MTRES1: variants seen among roughly 807,000 people sequenced by gnomAD.
MTRES1 encodes uncharacterized protein C6orf203.
A neutral mutation model predicts 17.4 loss-of-function variants in MTRES1; 11 were observed. The ratio of observed to expected loss-of-function variants is 0.63; its 90% confidence interval spans 0.40 to 1.05. The LOEUF (loss-of-function observed/expected upper bound fraction) is 1.05, where lower values mean the gene tolerates loss of function less well. MTRES1 is among the 50% of genes least tolerant of loss of function. The probability of loss-of-function intolerance (pLI) is 0.00; values close to 1 mark genes in which losing one functional copy is unlikely to be tolerated. For synonymous variants in MTRES1, 94 were observed against 99.6 expected (o/e 0.94, Z 0.34); for missense variants, 268 against 276.2 (o/e 0.97, Z 0.21).
rs115197178 is a variant in MTRES1 at position 107,041,485 on chromosome 6, T to G, written c.470+1255T>G. ...GCTATTTTGAAGAAAATACTACATATGTTCATATATAATAGAGGTATTTCT... is the reference window on the plus strand; with the variant it reads ...GCTATTTTGAAGAAAATACTACATAGGTTCATATATAATAGAGGTATTTCT... On this transcript the variant is annotated intron_variant, in intron 2 of 3. Coordinates refer to ENST00000311381, the MANE Select transcript of MTRES1 (RefSeq NM_016487.5). Among the ~76,000 whole-genome samples the G allele has an allele frequency of 4.4e-3, 665 of 152,262 alleles. 1 individual carries two copies. The highest frequency in any genetic ancestry group is 0.015 in the African/African-American group (636 of 41,548).
intron 1 of MTRES1, chr6:107,028,881 C>T (rs1773726841): frequency 1.0e-6 from 1 of 985,202 alleles, no homozygotes; most frequent in Non-Finnish European, 1.2e-6. Context: ...TCCACTCATC[C>T]CACACCAACG....
intron 1 of MTRES1, among the ~76,000 whole-genome samples, chr6:107,034,292 G>C (rs1554226721): frequency 6.6e-6 from 1 of 152,078 alleles, no homozygotes; most frequent in African/African-American, 2.4e-5. Context: ...TTATGGATGG[G>C]GAGTGTGGGC....
chr6:107,036,241 A>G (rs1277457188), intron 1 of MTRES1, among the ~76,000 whole-genome samples: 4 of 152,126 alleles, frequency 2.6e-5, no homozygotes, highest in East Asian at 1.9e-4. Context: ...AAATTTATTC[A>G]TCTTAAAGAA....
chr6:107,030,255 TC>T, intron 1 of MTRES1: 6 of 674,998 alleles, frequency 8.9e-6, no homozygotes, highest in South Asian at 1.6e-5. Context: ...ACTTTGCTGT[TC>T]TCTGAGTGCT....
At chr6:107,029,231 A>C (rs1379636197) in intron 1 of MTRES1, among the ~76,000 whole-genome samples, 1 of 145,466 alleles carries the variant, frequency 6.9e-6, no homozygotes, top group Non-Finnish European at 1.5e-5. Flanking sequence ...TCTGTCGCCC[A>C]GGCTGGAGTG....
intron 1 of MTRES1, chr6:107,030,238 C>A: frequency 1.4e-6 from 1 of 696,774 alleles, no homozygotes; most frequent in South Asian, 1.6e-5. Flanking sequence ...TTTAGACCAT[C>A]GTAGAGACTT....
intron 1 of MTRES1, among the ~76,000 whole-genome samples, chr6:107,035,494 G>A (rs550340085): frequency 1.4e-4 from 22 of 152,200 alleles, no homozygotes; most frequent in African/African-American, 5.1e-4. Flanking sequence ...AGAGAGCTCT[G>A]GCCACCTATG....
At chr6:107,031,306 G>C in intron 1 of MTRES1, among the ~76,000 whole-genome samples, 1 of 151,360 alleles carries the variant, frequency 6.6e-6, no homozygotes, top group African/African-American at 2.4e-5. Flanking sequence ...GGCTTGAACT[G>C]GGGAGGCAGA....
intron 1 of MTRES1, chr6:107,030,131 A>T: frequency 1.4e-6 from 1 of 718,490 alleles, no homozygotes; most frequent in South Asian, 1.5e-5. Context: ...TAAGGGGAGG[A>T]TGCCAGTGTT....
At chr6:107,029,302 C>T (rs1270367690) in intron 1 of MTRES1, among the ~76,000 whole-genome samples, 1 of 152,164 alleles carries the variant, frequency 6.6e-6, no homozygotes, top group Non-Finnish European at 1.5e-5. Flanking sequence ...ATTCTCCCGC[C>T]TCAGCCTCCC....
chr6:107,049,056 T>A (rs1319110592), intron 3 of MTRES1, among the ~76,000 whole-genome samples: 1 of 152,132 alleles, frequency 6.6e-6, no homozygotes, highest in African/African-American at 2.4e-5. Flanking sequence ...CGCATGCCCA[T>A]GTTGTGGACT....
Position 107,039,934 on chromosome 6 carries a change from T to G in MTRES1, c.174T>G (p.Leu58=), listed in dbSNP as rs1460838454. 1.2e-6 allele frequency: 2 copies of G among 1,612,874 alleles called. No individual in the cohort carries two copies. The highest frequency in any genetic ancestry group is 3.3e-5 in the Admixed American group (2 of 59,988). Residue 58 remains leucine, a synonymous_variant, in exon 2 of 4, where the codon CTT becomes CTG. Transcript: ENST00000311381. ...TKLRAPNYKT[L]FYNIFSLRLP... ...TACGTGCACCAAATTATAAAACACTTTTTTATAATATTTTCTCACTGAGAC... is the reference window on the plus strand; with the variant it reads ...TACGTGCACCAAATTATAAAACACTGTTTTATAATATTTTCTCACTGAGAC...
chr6:107,050,568 T>TTTTTTC (rs1774561840), intron 3 of MTRES1, among the ~76,000 whole-genome samples: 1 of 148,356 alleles, frequency 6.7e-6, no homozygotes, highest in Non-Finnish European at 1.5e-5. Context: ...TTTTTTTTTT[T>TTTTTTC]TTTTTTTTCG....
intron 2 of MTRES1, among the ~76,000 whole-genome samples, chr6:107,043,555 T>G (rs139962017): frequency 6.6e-6 from 1 of 151,408 alleles, no homozygotes; most frequent in African/African-American, 2.4e-5. Context: ...ACAGTTACAA[T>G]AAAGTAAGCT....
intron 1 of MTRES1, among the ~76,000 whole-genome samples, chr6:107,036,357 A>G (rs1774006758): frequency 6.6e-6 from 1 of 152,000 alleles, no homozygotes; most frequent in Non-Finnish European, 1.5e-5. Flanking sequence ...GAGCCTGACC[A>G]ATATGGAGAA....
chr6:107,038,986 G>A lies in MTRES1; in HGVS notation c.-12-763G>A, dbSNP rs560930822. Reference sequence around the variant, plus strand: ...GGAAAATAGCTTGAACCCAGGAGGCGGAGGTTGCAGTGAGCCGAGATCACG... The same window carrying A: ...GGAAAATAGCTTGAACCCAGGAGGCAGAGGTTGCAGTGAGCCGAGATCACG... On this transcript the variant is annotated intron_variant, in intron 1 of 3. Transcript: ENST00000311381. Among the ~76,000 whole-genome samples the A allele has an allele frequency of 7.2e-5, 11 of 152,090 alleles. No individual in the cohort carries two copies. The South Asian group carries it at 1.9e-3, about 26-fold the overall frequency.
intron 1 of MTRES1, among the ~76,000 whole-genome samples, chr6:107,038,132 T>TA (rs1490763688): frequency 2.1e-4 from 32 of 152,304 alleles, no homozygotes; most frequent in African/African-American, 7.2e-4. Context: ...GGTGGATTAA[T>TA]AGAGTTGAGA....
intron 2 of MTRES1, among the ~76,000 whole-genome samples, chr6:107,042,142 C>T (rs1774239271): frequency 6.6e-6 from 1 of 151,846 alleles, no homozygotes; most frequent in Admixed American, 6.6e-5. Flanking sequence ...TGATCGATAG[C>T]ATCCTGGCTA....
chr6:107,032,710 A>T (rs537940417), intron 1 of MTRES1, among the ~76,000 whole-genome samples: 1 of 152,302 alleles, frequency 6.6e-6, no homozygotes, highest in East Asian at 1.9e-4. Context: ...TCTCAAAAAA[A>T]TAAAAAAATG....
Sources: gnomAD v4.1 joint callset for allele counts (sites outside exome capture counted in the v4.1 genomes callset) on GRCh38, gnomAD v4.1.1 for gene constraint, MANE v1.5 for transcripts, NCBI Gene and HGNC (gene_info 2026-07-23, HGNC 2026-07-21) for gene names.